Variants in HACD3 observed in about 807,000 individuals in gnomAD.
HACD3 encodes very-long-chain (3R)-3-hydroxyacyl-CoA dehydratase 3.
Under a neutral mutation model 55.2 loss-of-function variants are expected in HACD3, and 30 were observed. That is an observed-to-expected ratio of 0.54 (90% CI 0.41 to 0.74). The LOEUF (loss-of-function observed/expected upper bound fraction) is 0.74, where lower values mean the gene tolerates loss of function less well. Among genes scored for constraint, HACD3 ranks in the 30% least tolerant of loss-of-function variants. The probability of loss-of-function intolerance (pLI) is 0.00; values close to 1 mark genes in which losing one functional copy is unlikely to be tolerated. For synonymous variants in HACD3, 141 were observed against 151.7 expected, an observed-to-expected ratio of 0.93 and a Z score of 0.52; for missense variants, 363 against 440.1, an observed-to-expected ratio of 0.82 and a Z score of 1.57.
At chr15:65,543,111 TTAAA>T (rs1231419831) in intron 1 of HACD3, among the ~76,000 whole-genome samples, 2 of 148,790 alleles carry the variant, frequency 1.3e-5, no homozygotes, top group Non-Finnish European at 3.0e-5. Context: ...AAAAAGCAAA[TTAAA>T]TAAACAGAAC....
intron 2 of HACD3, chr15:65,552,016 G>T (rs368723983): frequency 3.3e-6 from 1 of 303,356 alleles, no homozygotes; most frequent in South Asian, 4.7e-5. Flanking sequence ...CCGCTATCTT[G>T]GACAAGTTAT....
chr15:65,553,693 A>G (rs1170044574), intron 2 of HACD3, among the ~76,000 whole-genome samples: 1 of 152,226 alleles, frequency 6.6e-6, no homozygotes, highest in African/African-American at 2.4e-5. Flanking sequence ...TGCCACTTAG[A>G]CCTTATATAC....
chr15:65,549,158 G>A (rs1018912351), intron 1 of HACD3, among the ~76,000 whole-genome samples: 25 of 152,138 alleles, frequency 1.6e-4, no homozygotes, highest in African/African-American at 2.4e-5. Flanking sequence ...ACATCGAAAA[G>A]TTAACACGGT....
intron 6 of HACD3, among the ~76,000 whole-genome samples, chr15:65,563,169 G>A (rs1345233905): frequency 2.0e-5 from 3 of 152,078 alleles, no homozygotes; most frequent in African/African-American, 7.2e-5. Flanking sequence ...GAATCCTTTT[G>A]TAAAAATGTT....
chr15:65,562,642 C>A, intron 5 of HACD3, 132 bp from the exon 6 acceptor site: 1 of 1,223,194 alleles, frequency 8.2e-7, no homozygotes, highest in African/African-American at 1.5e-5. Flanking sequence ...GGACCTGGAC[C>A]AGGTATTTGT....
At chr15:65,546,987 C>T (rs1466840614) in intron 1 of HACD3, among the ~76,000 whole-genome samples, 5 of 152,184 alleles carry the variant, frequency 3.3e-5, no homozygotes, top group African/African-American at 4.8e-5. Context: ...GAGAAATCCA[C>T]GTATAAGCCT....
At chr15:65,569,413 TAAAG>T (rs2072327119) in intron 7 of HACD3, among the ~76,000 whole-genome samples, 1 of 151,162 alleles carries the variant, frequency 6.6e-6, no homozygotes, top group Admixed American at 6.6e-5. Flanking sequence ...CAGTAATTCA[TAAAG>T]AAAAGCCATG....
intron 9 of HACD3, 44 bp from the exon 10 acceptor site, chr15:65,572,191 G>A: frequency 6.2e-7 from 1 of 1,604,846 alleles, no homozygotes; most frequent in African/African-American, 1.3e-5. Flanking sequence ...CATTAAATGT[G>A]ACTGTTTCAT....
intron 8 of HACD3, among the ~76,000 whole-genome samples, chr15:65,570,960 C>G (rs1053367267): frequency 6.6e-6 from 1 of 152,078 alleles, no homozygotes; most frequent in African/African-American, 2.4e-5. Flanking sequence ...GATTATAGGT[C>G]CTATGTTTTT....
At position 65,564,264 on chromosome 15, in the gene HACD3, C is replaced by T. The variant is rs774883945; in HGVS notation, c.582C>T (p.Cys194=). 3 of 1,613,782 alleles carry T rather than the reference C, an allele frequency of 1.9e-6. No homozygotes were observed. Among genetic ancestry groups the T allele is most frequent in the Admixed American group, 3.3e-5 (2 of 60,004 alleles). ...CTGTGGCTGACATGATGTATTTCTG[C>T]CAGATGCTGGCAGTTGTGGAAACTA... The part of the protein sequence containing the change: ...FHTVADMMYF[C]QMLAVVETIN... The change falls in exon 7 of 11, where the codon TGC becomes TGT. Residue 194 remains cysteine, a synonymous_variant. Coordinates refer to ENST00000261875, the MANE Select transcript of HACD3 (RefSeq NM_016395.4).
At chr15:65,539,986 G>A (rs2072004520) in intron 1 of HACD3, among the ~76,000 whole-genome samples, 1 of 152,174 alleles carries the variant, frequency 6.6e-6, no homozygotes, top group East Asian at 1.9e-4. Flanking sequence ...GGTTACCTGC[G>A]AAGTTGGGGC....
At chr15:65,534,135 G>C (rs1290872484) in intron 1 of HACD3, among the ~76,000 whole-genome samples, 1 of 152,186 alleles carries the variant, frequency 6.6e-6, no homozygotes, top group Non-Finnish European at 1.5e-5. Context: ...ATCGTTTATG[G>C]AGTACCTACT....
intron 1 of HACD3, among the ~76,000 whole-genome samples, chr15:65,538,978 A>T (rs2071991552): frequency 6.6e-6 from 1 of 152,248 alleles, no homozygotes; most frequent in African/African-American, 2.4e-5. Flanking sequence ...CATACTTAAT[A>T]GACTATAGTA....
At chr15:65,564,417 A>C (rs1228450712) in intron 7 of HACD3, 75 bp downstream of exon 7, 2 of 1,511,002 alleles carry the variant, frequency 1.3e-6, no homozygotes, top group Non-Finnish European at 1.8e-6. Context: ...GTATTAGTCC[A>C]TTTTCATGCT....
Position 65,554,956 on chromosome 15 carries a change from C to T in HACD3, c.200C>T (p.Pro67Leu), listed in dbSNP as rs1278437007. The change falls in exon 3 of 11, where the codon CCA becomes CTA. Residue 67 changes from proline (P) to leucine (L), a missense_variant. Coordinates refer to ENST00000261875, the MANE Select transcript of HACD3 (RefSeq NM_016395.4). The part of the protein sequence containing the change: ...FHLEFLDLVK[P>L]EPVYKLTQRQ... ...CTGGAGTTCTTAGACCTTGTGAAAC[C>T]AGAGGTATGTTCTTTCCTTTCTCAC... The T allele has an allele frequency of 6.2e-7, 1 of 1,601,964 alleles. No homozygotes were observed. The highest frequency in any genetic ancestry group is 8.6e-7 in the Non-Finnish European group (1 of 1,169,038).
intron 1 of HACD3, among the ~76,000 whole-genome samples, chr15:65,546,156 A>T (rs893660415): frequency 3.9e-5 from 6 of 152,356 alleles, no homozygotes; most frequent in African/African-American, 1.4e-4. Flanking sequence ...AGCCAACATC[A>T]CATGGAATAG....
intron 1 of HACD3, among the ~76,000 whole-genome samples, chr15:65,548,953 C>T (rs2072104081): frequency 6.6e-6 from 1 of 152,114 alleles, no homozygotes; most frequent in Non-Finnish European, 1.5e-5. Flanking sequence ...ATTTGAACCC[C>T]TGGGTTCAAG....
intron 1 of HACD3, among the ~76,000 whole-genome samples, chr15:65,550,277 C>T (rs2072119568): frequency 6.6e-6 from 1 of 152,112 alleles, no homozygotes; most frequent in South Asian, 2.1e-4. Flanking sequence ...ATACCAGCTA[C>T]TCAGGAGGCT....
At position 65,537,944 on chromosome 15, in the gene HACD3, AAAAAAAAAAAAAAAATATATATAT is replaced by A. The variant is rs1300027467; in HGVS notation, c.87+7228_87+7251del. Among the ~76,000 whole-genome samples, 62 of 23,900 alleles carry A rather than the reference AAAAAAAAAAAAAAAATATATATAT, an allele frequency of 2.6e-3. 1 individual carries two copies. Among genetic ancestry groups the A allele is most frequent in the Non-Finnish European group, 2.2e-3 (28 of 12,568 alleles). The allele number at this position is 23,900 out of a possible 152,430, so 15.7% of individuals were successfully genotyped here. A position where few individuals can be genotyped will look rare whatever the true frequency, so the allele number is the denominator to read the frequency against. On this transcript the variant is annotated intron_variant, in intron 1 of 10. Coordinates refer to ENST00000261875, the MANE Select transcript of HACD3 (RefSeq NM_016395.4). ...GAGGCCAACTTCTCAGAAAAAAAAA[AAAAAAAAAAAAAAAATATATATAT>A]ATATATATATATATATATATATATA...
Sources: gnomAD v4.1 joint callset for allele counts (sites outside exome capture counted in the v4.1 genomes callset) on GRCh38, gnomAD v4.1.1 for gene constraint, MANE v1.5 for transcripts, NCBI Gene and HGNC (gene_info 2026-07-23, HGNC 2026-07-21) for gene names.